The following SHISA9 variants were observed in gnomAD, a reference collection of about 807,000 sequenced individuals.
SHISA9 encodes protein shisa-9.
SHISA9 carries 13 observed loss-of-function variants against 38.0 expected under a neutral mutation model. The observed-to-expected ratio is 0.34, with a 90% CI of 0.22 to 0.54. The LOEUF (loss-of-function observed/expected upper bound fraction) is 0.54, where lower values mean the gene tolerates loss of function less well. SHISA9 is among the 20% of genes least tolerant of loss of function. The probability of loss-of-function intolerance (pLI) is 0.91; values close to 1 mark genes in which losing one functional copy is unlikely to be tolerated. For synonymous variants in SHISA9, 275 were observed against 242.0 expected (o/e 1.14, Z -1.27); for missense variants, 538 against 575.8 (o/e 0.93, Z 0.67).
intron 2 of SHISA9, among the ~76,000 whole-genome samples, chr16:13,010,714 G>T (rs954168286): frequency 6.6e-6 from 1 of 152,162 alleles, no homozygotes; most frequent in African/African-American, 2.4e-5. Context: ...CACTTTGGGA[G>T]GCCAAGGCGG....
chr16:13,118,831 G>C (rs2074057788), intron 2 of SHISA9, among the ~76,000 whole-genome samples: 2 of 148,972 alleles, frequency 1.3e-5, no homozygotes, highest in African/African-American at 2.5e-5. Flanking sequence ...ACGGGTTCAA[G>C]CCATTTTCCT....
the SHISA9 span, among the ~76,000 whole-genome samples, chr16:13,327,139 G>A: frequency 0.02 from 3,028 of 152,230 alleles, 46 homozygotes; most frequent in Non-Finnish European, 0.031. Flanking sequence ...TGTGAAAGAC[G>A]CATTCCTGGT....
At chr16:13,067,513 A>G (rs1285650572) in intron 2 of SHISA9, among the ~76,000 whole-genome samples, 3 of 152,356 alleles carry the variant, frequency 2.0e-5, no homozygotes, top group East Asian at 3.9e-4. Context: ...TCTCTTGGCC[A>G]AGGCCAATGT....
chr16:13,201,037 G>C (rs1453210053), intron 2 of SHISA9, among the ~76,000 whole-genome samples: 1 of 135,536 alleles, frequency 7.4e-6, no homozygotes, highest in Non-Finnish European at 1.6e-5. Context: ...ACACCTCTAA[G>C]GTTATGAGGG....
At chr16:13,026,688 G>A (rs2072926414) in intron 2 of SHISA9, among the ~76,000 whole-genome samples, 1 of 152,122 alleles carries the variant, frequency 6.6e-6, no homozygotes, top group Admixed American at 6.5e-5. Flanking sequence ...TATTCACTGT[G>A]GGTCAGTTCT....
At chr16:13,269,287 C>T in the SHISA9 span, among the ~76,000 whole-genome samples, 5 of 152,180 alleles carry the variant, frequency 3.3e-5, no homozygotes, top group African/African-American at 1.2e-4. Context: ...GGTCGGTCAC[C>T]AGCTGTGTAC....
rs189407334 is a variant in SHISA9 at position 13,190,319 on chromosome 16, G to C, written c.692-13075G>C. ...TTGTTCAATTCCCACCTATGAGTGA[G>C]AATATGCAAAACACCCTTTAGTCTT... On this transcript the variant is annotated intron_variant, in intron 2 of 4. Coordinates refer to ENST00000558583, the MANE Select transcript of SHISA9 (RefSeq NM_001145204.3). Among the ~76,000 whole-genome samples the C allele has an allele frequency of 1.7e-4, 26 of 150,346 alleles. 2 individuals carry two copies. The highest frequency in any genetic ancestry group is 5.9e-4 in the African/African-American group (24 of 40,732).
At chr16:13,428,847 C>T in the SHISA9 span, among the ~76,000 whole-genome samples, 1 of 150,480 alleles carries the variant, frequency 6.6e-6, no homozygotes, top group Non-Finnish European at 1.5e-5. Flanking sequence ...CTCACTACAA[C>T]CTCCGCCTCC....
chr16:12,930,863 A>G (rs971235809), intron 2 of SHISA9, among the ~76,000 whole-genome samples: 4 of 152,198 alleles, frequency 2.6e-5, no homozygotes, highest in Non-Finnish European at 5.9e-5. Flanking sequence ...AAAAAAACCC[A>G]TAACAACTCC....
At chr16:13,148,448 AC>A (rs1262724020) in intron 2 of SHISA9, among the ~76,000 whole-genome samples, 1 of 151,774 alleles carries the variant, frequency 6.6e-6, no homozygotes, top group African/African-American at 2.4e-5. Flanking sequence ...CTGCATCAAA[AC>A]CTTTTCACCC....
the SHISA9 span, among the ~76,000 whole-genome samples, chr16:13,343,969 T>C: frequency 6.6e-6 from 1 of 152,170 alleles, no homozygotes; most frequent in African/African-American, 2.4e-5. Flanking sequence ...ATTGTTGTTA[T>C]AGGACAAAAG....
chr16:13,397,431 TGTTA>T, the SHISA9 span, among the ~76,000 whole-genome samples: 7 of 151,790 alleles, frequency 4.6e-5, no homozygotes, highest in East Asian at 1.9e-4. Flanking sequence ...TTTGTTTGTT[TGTTA>T]GTTTGTTTTT....
At chr16:13,115,845 A>G (rs941552625) in intron 2 of SHISA9, among the ~76,000 whole-genome samples, 5 of 152,190 alleles carry the variant, frequency 3.3e-5, no homozygotes, top group Non-Finnish European at 7.3e-5. Flanking sequence ...ATTCCTTCCA[A>G]CACTGACTAT....
At chr16:13,105,718 A>C (rs1217682281) in intron 2 of SHISA9, among the ~76,000 whole-genome samples, 3 of 152,174 alleles carry the variant, frequency 2.0e-5, no homozygotes, top group Admixed American at 1.3e-4. Context: ...GGGAGAATCA[A>C]GCTCATCTGC....
the SHISA9 span, among the ~76,000 whole-genome samples, chr16:13,403,002 C>T: frequency 7.8e-4 from 118 of 151,982 alleles, no homozygotes; most frequent in African/African-American, 2.4e-3. Flanking sequence ...CCTGTAGTCC[C>T]GGTTACTCAG....
intron 4 of SHISA9, among the ~76,000 whole-genome samples, chr16:13,233,558 T>G (rs2051352522): frequency 6.6e-6 from 1 of 152,236 alleles, no homozygotes; most frequent in Non-Finnish European, 1.5e-5. Context: ...CAGCTGAGTT[T>G]CAACCAGCAC....
At chr16:13,380,409 G>T in the SHISA9 span, among the ~76,000 whole-genome samples, 1 of 152,128 alleles carries the variant, frequency 6.6e-6, no homozygotes, top group Non-Finnish European at 1.5e-5. Context: ...CAAAGCATTG[G>T]AAATCAGTAT....
At chr16:13,050,896 T>C (rs1501303) in intron 2 of SHISA9, among the ~76,000 whole-genome samples, 94,943 of 152,042 alleles carry the variant, frequency 0.62, 30,339 homozygotes, top group Middle Eastern at 0.74. Context: ...GCCATGTTGC[T>C]GTCCTGGGTA....
the SHISA9 span, among the ~76,000 whole-genome samples, chr16:13,428,317 C>T: frequency 6.6e-6 from 1 of 152,114 alleles, no homozygotes; most frequent in Non-Finnish European, 1.5e-5. Flanking sequence ...GAGAGAAATT[C>T]ATTCAAAAAC....
Sources: allele counts gnomAD v4.1 joint callset (sites outside exome capture counted in the v4.1 genomes callset), GRCh38; gene constraint gnomAD v4.1.1; transcripts MANE v1.5; gene names NCBI Gene and HGNC (gene_info 2026-07-23, HGNC 2026-07-21).